HELZ: variants seen among roughly 807,000 people sequenced by gnomAD.
HELZ encodes helicase with zinc finger.
A neutral mutation model predicts 218.2 loss-of-function variants in HELZ; 23 were observed. That is an observed-to-expected ratio of 0.11 (90% CI 0.08 to 0.15). The LOEUF is 0.15. Ranked by LOEUF, HELZ falls within the 10% of genes least tolerant of loss-of-function variation. HELZ has a pLI of 1.00. For synonymous variants in HELZ, 814 were observed against 829.4 expected (o/e 0.98, Z 0.32); for missense variants, 1,813 against 2,353.7 (o/e 0.77, Z 4.75).
chr17:67,150,219 C>T (rs1400479968), intron 18 of HELZ: 2 of 294,544 alleles, frequency 6.8e-6, no homozygotes, highest in South Asian at 4.9e-5. Flanking sequence ...CTCACTGTAG[C>T]CTCGGGCTCA....
intron 31 of HELZ, among the ~76,000 whole-genome samples, chr17:67,099,912 T>C (rs1181184001): frequency 6.6e-6 from 1 of 152,224 alleles, no homozygotes; most frequent in African/African-American, 2.4e-5. Context: ...TTAGCTTTGA[T>C]AATTTAAGCA....
At chr17:67,184,446 C>T (rs2039696268) in intron 12 of HELZ, among the ~76,000 whole-genome samples, 1 of 151,986 alleles carries the variant, frequency 6.6e-6, no homozygotes, top group African/African-American at 2.4e-5. Context: ...ACAATGAACA[C>T]CCAATCAAGT....
At chr17:67,105,423 G>A (rs779611484) in intron 31 of HELZ, among the ~76,000 whole-genome samples, 3 of 152,204 alleles carry the variant, frequency 2.0e-5, no homozygotes, top group Non-Finnish European at 4.4e-5. Context: ...CATAGACACA[G>A]AAAGTAGATT....
Position 67,073,768 on chromosome 17 carries a change from G to T in HELZ, c.*4484C>A, listed in dbSNP as rs1437908984. The stretch of plus-strand genomic sequence containing the variant: ...TTCTAGTTTAAAGTAATAACAGGAT[G>T]TGTTTAGTAAGATTCACTCCTTGCA... On this transcript the variant is annotated 3_prime_UTR_variant, in exon 33 of 33. Transcript: ENST00000358691. 6.6e-6 allele frequency: 1 copy of T among 152,140 alleles called. No individual in the cohort carries two copies. Among genetic ancestry groups the T allele is most frequent in the Non-Finnish European group, 1.5e-5 (1 of 68,024 alleles). The allele number at this position is 152,140 out of a possible 1,614,324, so 9.4% of individuals were successfully genotyped here.
At chr17:67,104,320 T>C (rs1000782166) in intron 31 of HELZ, among the ~76,000 whole-genome samples, 4 of 151,912 alleles carry the variant, frequency 2.6e-5, no homozygotes, top group African/African-American at 9.7e-5. Flanking sequence ...ACACCTGTAG[T>C]TCCAGCTATT....
intron 31 of HELZ, among the ~76,000 whole-genome samples, chr17:67,098,494 G>A (rs2036819348): frequency 6.6e-6 from 1 of 152,038 alleles, no homozygotes; most frequent in Admixed American, 6.5e-5. Context: ...CAGCCCTTTG[G>A]GAAGCCAAGG....
intron 13 of HELZ, among the ~76,000 whole-genome samples, chr17:67,171,818 CCTT>C (rs911089263): frequency 4.6e-5 from 7 of 150,694 alleles, no homozygotes; most frequent in Admixed American, 1.3e-4. Flanking sequence ...CTTTTGTCCT[CCTT>C]CTTTTGTTTT....
Position 67,151,060 on chromosome 17 carries a change from A to G in HELZ, c.2342T>C (p.Leu781Ser). Residue 781 changes from leucine (L) to serine (S), a missense_variant, in exon 18 of 33, where the codon TTG (leucine) becomes TCG (serine). Coordinates refer to ENST00000358691, the MANE Select transcript of HELZ (RefSeq NM_014877.4). ...TLNTSQYLCQ[L>S]DLEPGFFTHI... ...AGTCAGCATACCAGGTTCAAGGTCC[A>G]ACTGACAGAGGTACTGGGAAGTATT... 4.3e-6 allele frequency: 7 copies of G among 1,613,872 alleles called. No homozygotes were observed. The highest frequency in any genetic ancestry group is 5.1e-6 in the Non-Finnish European group (6 of 1,179,800).
intron 5 of HELZ, among the ~76,000 whole-genome samples, chr17:67,211,205 T>C (rs2040441089): frequency 6.6e-6 from 1 of 152,094 alleles, no homozygotes; most frequent in Admixed American, 6.5e-5. Context: ...TTTATAACCT[T>C]TAATCAGTTC....
chr17:67,086,645 T>TATATATATATATATAA (rs2036398248), intron 32 of HELZ, among the ~76,000 whole-genome samples, 184 bp downstream of exon 32: 1 of 133,948 alleles, frequency 7.5e-6, no homozygotes, highest in Non-Finnish European at 1.6e-5. Context: ...TATATATATA[T>TATATATATATATATAA]ATATATATAT....
chr17:67,171,274 T>A (rs1190733426), intron 13 of HELZ, among the ~76,000 whole-genome samples: 1 of 152,174 alleles, frequency 6.6e-6, no homozygotes, highest in East Asian at 1.9e-4. Context: ...AATCCAACTG[T>A]CAAATGGACA....
chr17:67,123,579 C>G (rs1410758550), intron 25 of HELZ, among the ~76,000 whole-genome samples: 1 of 152,030 alleles, frequency 6.6e-6, no homozygotes, highest in Non-Finnish European at 1.5e-5. Flanking sequence ...CACGACTATG[C>G]AATATTTAAA....
At position 67,151,186 on chromosome 17, in the gene HELZ, G is replaced by A. The variant is rs2038670702; in HGVS notation, c.2216C>T (p.Pro739Leu). 6.2e-7 allele frequency: 1 copy of A among 1,613,518 alleles called. No individual in the cohort carries two copies. The highest frequency in any genetic ancestry group is 2.2e-5 in the East Asian group (1 of 44,856). ...GATCAAACAGTACTGATGCACAACT[G>A]GGTGGACAGTCTTTACCCAGCGATT... is the stretch of plus-strand genomic sequence containing the variant. ...FRNRWVKTVHPVVHQYCLISS... is the reference protein window; with the variant it reads ...FRNRWVKTVHLVVHQYCLISS... The change falls in exon 18 of 33, where the codon CCA becomes CTA. Residue 739 changes from proline to leucine, a missense_variant. By Grantham distance (98) the Pro-to-Leu change is moderately conservative (BLOSUM62 -3). Coordinates refer to ENST00000358691, the MANE Select transcript of HELZ (RefSeq NM_014877.4).
Position 67,108,410 on chromosome 17 carries a change from T to C in HELZ, c.4724+82A>G. On this transcript the variant is annotated intron_variant, in intron 30 of 32. Coordinates refer to ENST00000358691, the MANE Select transcript of HELZ (RefSeq NM_014877.4). This position sits in a 1 kb window ranked among gnomAD's most constrained non-coding sequence, Gnocchi z 4.1. Reference sequence around the variant, plus strand: ...AATTTCTCTGAGGCAATATTCCAGCTTGAAGCTAAAAGGACTACAGTCAAA... The same window carrying C: ...AATTTCTCTGAGGCAATATTCCAGCCTGAAGCTAAAAGGACTACAGTCAAA... 9.8e-7 allele frequency: 1 copy of C among 1,019,718 alleles called. No individual in the cohort carries two copies. Among genetic ancestry groups the C allele is most frequent in the South Asian group, 1.4e-5 (1 of 72,712 alleles). 63.2% of individuals were successfully genotyped at this position (1,019,718 alleles called of 1,614,324 possible).
intron 5 of HELZ, among the ~76,000 whole-genome samples, chr17:67,208,342 G>A (rs952561219): frequency 4.6e-5 from 7 of 152,214 alleles, no homozygotes; most frequent in East Asian, 3.9e-4. Flanking sequence ...AATTGTATTC[G>A]TGGTTAAATC....
rs766343481 is a variant in HELZ at position 67,148,598 on chromosome 17, C to T, written c.2592G>A (p.Glu864=). ...TGATAGCTTCATGGGAGCGGTAGTTCTCACACAGGAGAATCCTACATGGGA... is the reference window on the plus strand; with the variant it reads ...TGATAGCTTCATGGGAGCGGTAGTTTTCACACAGGAGAATCCTACATGGGA... The part of the protein sequence containing the change: ...AEFPCRILLC[E]NYRSHEAIIN... Residue 864 remains glutamate, a synonymous_variant, in exon 20 of 33, where the codon GAG becomes GAA. Coordinates refer to ENST00000358691, the MANE Select transcript of HELZ (RefSeq NM_014877.4). 19 of 1,613,516 alleles carry T rather than the reference C, an allele frequency of 1.2e-5. No individual in the cohort carries two copies. The highest frequency in any genetic ancestry group is 1.4e-5 in the Non-Finnish European group (16 of 1,179,750).
intron 17 of HELZ, among the ~76,000 whole-genome samples, chr17:67,156,081 A>C (rs2144082406): frequency 6.6e-6 from 1 of 150,438 alleles, no homozygotes; most frequent in Non-Finnish European, 1.5e-5. Flanking sequence ...AAAAAAGTAA[A>C]AAATTCCCTT....
intron 3 of HELZ, among the ~76,000 whole-genome samples, chr17:67,230,429 C>G (rs566301711): frequency 5.9e-5 from 9 of 152,074 alleles, no homozygotes; most frequent in African/African-American, 2.2e-4. Context: ...AACCCTGTCT[C>G]TACTAAAAAC....
intron 31 of HELZ, among the ~76,000 whole-genome samples, chr17:67,102,751 T>G (rs2036968851): frequency 6.6e-6 from 1 of 152,232 alleles, no homozygotes; most frequent in South Asian, 2.1e-4. Flanking sequence ...ATATTATCTT[T>G]GTCAAATAAA....
Sources: allele counts gnomAD v4.1 joint callset (sites outside exome capture counted in the v4.1 genomes callset), GRCh38; gene constraint gnomAD v4.1.1; non-coding constraint Gnocchi (gnomAD v3.1); transcripts MANE v1.5; gene names NCBI Gene and HGNC (gene_info 2026-07-23, HGNC 2026-07-21).